Variants in USP42 observed in about 807,000 individuals in gnomAD.
USP42 encodes ubiquitin carboxyl-terminal hydrolase 42.
Under a neutral mutation model 113.0 loss-of-function variants are expected in USP42, and 23 were observed. That is an observed-to-expected ratio of 0.20 (90% confidence interval 0.15 to 0.29). The LOEUF (loss-of-function observed/expected upper bound fraction) is 0.29, where lower values mean the gene tolerates loss of function less well. USP42 is among the 10% of genes least tolerant of loss of function. The probability of loss-of-function intolerance (pLI) is 1.00; values close to 1 mark genes in which losing one functional copy is unlikely to be tolerated. For missense variants in USP42, 2,174 were observed against 1,779.8 expected (o/e 1.22, Z -3.99); for synonymous variants, 933 against 699.0 (o/e 1.33, Z -5.28).
the USP42 span, among the ~76,000 whole-genome samples, chr7:6,097,497 C>A: frequency 6.8e-6 from 1 of 147,414 alleles, no homozygotes; most frequent in African/African-American, 2.6e-5. Flanking sequence ...GCCTCCAATT[C>A]CTGGCCTCAA....
chr7:6,152,195 C>T (rs1376588755), intron 14 of USP42, among the ~76,000 whole-genome samples: 1 of 152,230 alleles, frequency 6.6e-6, no homozygotes, highest in Non-Finnish European at 1.5e-5. Context: ...CATCTCTGCA[C>T]AGGTTGGCTG....
At chr7:6,124,761 C>T (rs1780430836) in intron 3 of USP42, among the ~76,000 whole-genome samples, 1 of 151,580 alleles carries the variant, frequency 6.6e-6, no homozygotes, top group Admixed American at 6.6e-5. Flanking sequence ...AAATCTTTTT[C>T]CTGCCTTCTT....
At chr7:6,099,331 T>C in the USP42 span, among the ~76,000 whole-genome samples, 73 of 147,290 alleles carry the variant, frequency 5.0e-4, 2 homozygotes, top group Non-Finnish European at 8.1e-4. Context: ...TCTCCTGCCT[T>C]AGCCTCCCCA....
rs755048591 is a variant in USP42 at position 6,146,160 on chromosome 7, C to T, written c.1144C>T (p.Leu382Phe). 4.3e-5 allele frequency: 69 copies of T among 1,594,596 alleles called. No homozygotes were observed. Among genetic ancestry groups the T allele is most frequent in the Non-Finnish European group, 5.3e-5 (62 of 1,170,294 alleles). Residue 382 changes from leucine to phenylalanine, a missense_variant, in exon 11 of 18, where the codon CTC (leucine) becomes TTC (phenylalanine). Leu to Phe is a conservative substitution (Grantham distance 22). Coordinates refer to ENST00000306177, the MANE Select transcript of USP42 (RefSeq NM_032172.3). ...YFCYIKASNG[L>F]WYQMNDSIVS... is the part of the protein sequence containing the mutation. ...CTCTCATTTATAGGCTAGCAATGGC[C>T]TCTGGTATCAAATGAATGACTCCAT... is the stretch of plus-strand genomic sequence containing the variant.
intron 7 of USP42, among the ~76,000 whole-genome samples, chr7:6,141,201 CTT>C (rs903124477): frequency 7.3e-5 from 9 of 123,996 alleles, no homozygotes; most frequent in Non-Finnish European, 1.4e-4. Flanking sequence ...TTTTTCTTTT[CTT>C]TTTTTTTTTT....
In USP42 at chr7:6,160,931, A is replaced by T. The variant is rs1471198604; in HGVS notation, c.*413A>T. ...GGAATTGTCAAAAGTACAAACTGAC[A>T]GTGTGTATATTTAATTTAAAGACTT... On this transcript the variant is annotated 3_prime_UTR_variant, in exon 18 of 18. Transcript: ENST00000306177. 6.6e-6 allele frequency: 1 copy of T among 152,664 alleles called. No homozygotes were observed. The highest frequency in any genetic ancestry group is 1.5e-5 in the Non-Finnish European group (1 of 68,038). The allele number at this position is 152,664 out of a possible 1,614,324, so 9.5% of individuals were successfully genotyped here.
Position 6,154,344 on chromosome 7 carries a change from G to C in USP42, c.2790G>C (p.Pro930=), listed in dbSNP as rs758806375. The C allele has an allele frequency of 1.9e-6, 3 of 1,571,620 alleles. No individual in the cohort carries two copies. Among genetic ancestry groups the C allele is most frequent in the Non-Finnish European group, 2.6e-6 (3 of 1,159,746 alleles). ...PGERVEDAAA[P]KAPGPSPAKE... is the part of the protein sequence containing the mutation. ...AGAGGGTCGAGGACGCCGCGGCGCC[G>C]AAAGCCCCAGGCCCTTCCCCAGCGA... Residue 930 remains proline (P), a synonymous_variant, in exon 15 of 18, where the codon CCG becomes CCC. Coordinates refer to ENST00000306177, the MANE Select transcript of USP42 (RefSeq NM_032172.3).
intron 9 of USP42, 129 bp from the exon 10 acceptor site, chr7:6,145,387 G>C (rs537058350): frequency 9.2e-7 from 1 of 1,084,894 alleles, no homozygotes; most frequent in South Asian, 1.7e-5. Flanking sequence ...TTAGGTTTTT[G>C]CTAGAATATC....
intron 10 of USP42, among the ~76,000 whole-genome samples, chr7:6,145,915 C>A (rs1305391633): frequency 6.6e-6 from 1 of 152,126 alleles, no homozygotes; most frequent in African/African-American, 2.4e-5. Flanking sequence ...ATTAAAAATA[C>A]AAAAATTATC....
At chr7:6,110,595 A>G (rs1365066937) in intron 1 of USP42, among the ~76,000 whole-genome samples, 1 of 152,158 alleles carries the variant, frequency 6.6e-6, no homozygotes, top group Non-Finnish European at 1.5e-5. Flanking sequence ...AGATCTCTAT[A>G]ATTATAATTT....
rs552874304 is a variant in USP42, at chr7:6,131,536, T to C, written c.443-4305T>C. ...TACAGAAAAAAATACACACAGAAGCTGAAGTAGAGCAATGATTTCTAAAGG... is the reference window on the plus strand; with the variant it reads ...TACAGAAAAAAATACACACAGAAGCCGAAGTAGAGCAATGATTTCTAAAGG... On this transcript the variant is annotated intron_variant, in intron 3 of 17. Transcript: ENST00000306177. Among the ~76,000 whole-genome samples, 16 of 152,088 alleles carry C rather than the reference T, an allele frequency of 1.1e-4. No individual in the cohort carries two copies. The South Asian group carries it at 3.1e-3, about 30-fold the overall frequency.
At chr7:6,134,530 T>A (rs1346272449) in intron 3 of USP42, among the ~76,000 whole-genome samples, 2 of 152,172 alleles carry the variant, frequency 1.3e-5, no homozygotes, top group East Asian at 3.9e-4. Context: ...TGGGTAGCCT[T>A]TAGTCAGGCA....
the USP42 span, among the ~76,000 whole-genome samples, chr7:6,089,374 A>G: frequency 6.7e-6 from 1 of 150,370 alleles, no homozygotes; most frequent in Non-Finnish European, 1.5e-5. Context: ...AGGATTGGCT[A>G]CCCCTGGGAG....
chr7:6,150,511 C>T lies in USP42; in HGVS notation c.2201+5C>T, dbSNP rs767049804. ...AGGCTCGACGGATGAAATGAGGTAA[C>T]GTAAGAGTACATCTGAGGCACGTGT... is the stretch of plus-strand genomic sequence containing the variant. On this transcript the variant is annotated splice_donor_5th_base_variant and intron_variant, in intron 14 of 17. Transcript: ENST00000306177. 7 of 1,613,392 alleles carry T rather than the reference C, an allele frequency of 4.3e-6. No homozygotes were observed. The South Asian group carries it at 6.6e-5, about 15-fold the overall frequency.
intron 7 of USP42, among the ~76,000 whole-genome samples, chr7:6,141,295 C>T (rs1232288558): frequency 4.7e-5 from 7 of 149,332 alleles, no homozygotes; most frequent in African/African-American, 1.7e-4. Context: ...CTCCACCTCC[C>T]GAGTTCAAGC....
At chr7:6,107,003 C>T (rs116914259) in intron 1 of USP42, among the ~76,000 whole-genome samples, 134 of 152,322 alleles carry the variant, frequency 8.8e-4, no homozygotes, top group Non-Finnish European at 1.5e-3. Context: ...AATCTTAAGT[C>T]CTACATAACA....
At chr7:6,087,026 C>A in the USP42 span, among the ~76,000 whole-genome samples, 1 of 146,496 alleles carries the variant, frequency 6.8e-6, no homozygotes, top group African/African-American at 2.6e-5. Context: ...CCGCCTCCAG[C>A]CACCACACTT....
intron 9 of USP42, among the ~76,000 whole-genome samples, chr7:6,144,659 C>T (rs1040373251): frequency 3.9e-5 from 6 of 152,146 alleles, no homozygotes; most frequent in Non-Finnish European, 7.3e-5. Context: ...CACTTCAAGC[C>T]GGGAGTTTGA....
intron 1 of USP42, among the ~76,000 whole-genome samples, chr7:6,107,240 G>A (rs1246711680): frequency 6.6e-6 from 1 of 151,966 alleles, no homozygotes; most frequent in Non-Finnish European, 1.5e-5. Flanking sequence ...AAAGGTAATT[G>A]GAGCAAATAA....
Sources: allele counts gnomAD v4.1 joint callset (sites outside exome capture counted in the v4.1 genomes callset), GRCh38; gene constraint gnomAD v4.1.1; transcripts MANE v1.5; gene names NCBI Gene and HGNC (gene_info 2026-07-23, HGNC 2026-07-21).